CFAP299: variants seen among roughly 807,000 people sequenced by gnomAD.
CFAP299 encodes cilia- and flagella-associated protein 299.
CFAP299 carries 21 observed loss-of-function variants against 27.0 expected under a neutral mutation model. That is an observed-to-expected ratio of 0.78 (90% CI 0.55 to 1.12). The LOEUF is 1.12. CFAP299 is among the 50% of genes most tolerant of loss of function. The pLI, the probability that CFAP299 is intolerant of heterozygous loss-of-function variation, is 0.00. For synonymous variants in CFAP299, 104 were observed against 98.1 expected, an observed-to-expected ratio of 1.06 and a Z score of -0.36; for missense variants, 310 against 276.6, an observed-to-expected ratio of 1.12 and a Z score of -0.86.
At chr4:80,562,769 A>T (rs1015938283) in intron 2 of CFAP299, among the ~76,000 whole-genome samples, 1 of 151,500 alleles carries the variant, frequency 6.6e-6, no homozygotes, top group Non-Finnish European at 1.5e-5. Flanking sequence ...GGATTAAAAA[A>T]TCCAGACCCA....
chr4:80,800,528 T>C (rs1728463165), intron 3 of CFAP299, among the ~76,000 whole-genome samples: 4 of 17,782 alleles, frequency 2.2e-4, no homozygotes, highest in Non-Finnish European at 4.2e-4. Context: ...ATATATAATA[T>C]ATTATATAAT....
intron 3 of CFAP299, among the ~76,000 whole-genome samples, chr4:80,724,397 AAT>A (rs981303929): frequency 5.3e-5 from 8 of 152,046 alleles, no homozygotes; most frequent in African/African-American, 1.9e-4. Flanking sequence ...GCATTTAAAA[AAT>A]GAGTAATTTT....
intron 3 of CFAP299, among the ~76,000 whole-genome samples, chr4:80,626,648 A>G (rs1248872414): frequency 6.6e-6 from 1 of 151,802 alleles, no homozygotes; most frequent in African/African-American, 2.4e-5. Context: ...TAGGAGTCAA[A>G]TAAGTAAAAT....
chr4:80,756,171 T>C (rs1725229355), intron 3 of CFAP299, among the ~76,000 whole-genome samples: 1 of 152,152 alleles, frequency 6.6e-6, no homozygotes, highest in Non-Finnish European at 1.5e-5. Context: ...ACTCTCTTTT[T>C]TGCTGATTTT....
At chr4:80,956,542 A>G (rs1316188415) in intron 5 of CFAP299, among the ~76,000 whole-genome samples, 5 of 151,890 alleles carry the variant, frequency 3.3e-5, no homozygotes. Context: ...ATATGATCCC[A>G]CTTCCACCCC....
At chr4:80,679,887 T>C (rs972322140) in intron 3 of CFAP299, among the ~76,000 whole-genome samples, 41 of 152,036 alleles carry the variant, frequency 2.7e-4, no homozygotes, top group African/African-American at 9.2e-4. Flanking sequence ...TCCCAGACTG[T>C]AACTTACTTT....
At chr4:80,429,378 A>C (rs1335540613) in intron 2 of CFAP299, among the ~76,000 whole-genome samples, 1 of 152,194 alleles carries the variant, frequency 6.6e-6, no homozygotes, top group Admixed American at 6.5e-5. Flanking sequence ...AATTGGTAAG[A>C]TATATCTTAT....
chr4:80,688,345 G>A (rs1238685411), intron 3 of CFAP299, among the ~76,000 whole-genome samples: 1 of 152,154 alleles, frequency 6.6e-6, no homozygotes, highest in Middle Eastern at 3.2e-3. Flanking sequence ...GGAGATCTGA[G>A]AACGGGCAGA....
chr4:80,725,092 G>A (rs565669004), intron 3 of CFAP299, among the ~76,000 whole-genome samples: 16 of 145,878 alleles, frequency 1.1e-4, no homozygotes, highest in African/African-American at 4.1e-4. Flanking sequence ...CTACAGGCAT[G>A]CACCACCATG....
chr4:80,435,004 C>A (rs1727993644), intron 2 of CFAP299, among the ~76,000 whole-genome samples: 1 of 152,064 alleles, frequency 6.6e-6, no homozygotes, highest in African/African-American at 2.4e-5. Context: ...CTAGAGTTAG[C>A]TAGTATGCAA....
At chr4:80,682,883 T>C (rs921528577) in intron 3 of CFAP299, among the ~76,000 whole-genome samples, 4 of 152,148 alleles carry the variant, frequency 2.6e-5, no homozygotes, top group Non-Finnish European at 4.4e-5. Flanking sequence ...AGTGACATCA[T>C]CCTGATTATA....
In CFAP299 at chr4:80,805,861, G is replaced by A. The variant is rs1356581234; in HGVS notation, c.334-64132G>A. Reference sequence around the variant, plus strand: ...TGCACTCCAGCCTGGCTGAGAGAGCGAGAGACCTTGTCTCAAAAAAGTATT... The same window carrying A: ...TGCACTCCAGCCTGGCTGAGAGAGCAAGAGACCTTGTCTCAAAAAAGTATT... On this transcript the variant is annotated intron_variant, in intron 3 of 5. Coordinates refer to ENST00000358105, the MANE Select transcript of CFAP299 (RefSeq NM_152770.3). Among the ~76,000 whole-genome samples the A allele has an allele frequency of 3.9e-5, 6 of 151,940 alleles. No individual in the cohort carries two copies. In the South Asian group the frequency reaches 1.2e-3, roughly 32 times the overall value.
At chr4:80,922,612 A>G (rs916147373) in intron 4 of CFAP299, among the ~76,000 whole-genome samples, 7 of 151,964 alleles carry the variant, frequency 4.6e-5, no homozygotes, top group African/African-American at 1.7e-4. Context: ...CTAGATATTT[A>G]TTTTATCTAC....
intron 2 of CFAP299, among the ~76,000 whole-genome samples, chr4:80,493,877 G>A (rs1403128600): frequency 1.4e-5 from 2 of 139,858 alleles, no homozygotes; most frequent in Admixed American, 7.4e-5. Context: ...CCGGGTTCAC[G>A]CCATTCTCCT....
At chr4:80,376,527 C>T (rs918804725) in intron 2 of CFAP299, among the ~76,000 whole-genome samples, 1 of 152,132 alleles carries the variant, frequency 6.6e-6, no homozygotes, top group Admixed American at 6.6e-5. Flanking sequence ...TTACTCTCTC[C>T]TTAGCAAGGT....
At chr4:80,352,917 ATC>A (rs1015713568) in intron 1 of CFAP299, among the ~76,000 whole-genome samples, 1 of 152,144 alleles carries the variant, frequency 6.6e-6, no homozygotes, top group African/African-American at 2.4e-5. Flanking sequence ...ACATAAAGGA[ATC>A]TATAGAGGGA....
intron 3 of CFAP299, among the ~76,000 whole-genome samples, chr4:80,622,378 A>G (rs1474315927): frequency 2.0e-5 from 3 of 152,152 alleles, no homozygotes; most frequent in Non-Finnish European, 2.9e-5. Flanking sequence ...GCACTATAAC[A>G]CTACTATCTG....
chr4:80,684,562 C>T (rs1384430413), intron 3 of CFAP299, among the ~76,000 whole-genome samples: 2 of 152,170 alleles, frequency 1.3e-5, no homozygotes. Flanking sequence ...GCCACTGCGC[C>T]CGGCCTGAGA....
intron 3 of CFAP299, among the ~76,000 whole-genome samples, chr4:80,790,688 A>T (rs1344772886): frequency 6.6e-6 from 1 of 151,952 alleles, no homozygotes; most frequent in Non-Finnish European, 1.5e-5. Flanking sequence ...CAGCCCCTAG[A>T]ACACAAAAAA....
Sources: allele counts gnomAD v4.1 joint callset (sites outside exome capture counted in the v4.1 genomes callset), GRCh38; gene constraint gnomAD v4.1.1; transcripts MANE v1.5; gene names NCBI Gene and HGNC (gene_info 2026-07-23, HGNC 2026-07-21).